The following TECR variants were observed in gnomAD, a reference collection of about 807,000 sequenced individuals.
The protein encoded by TECR is very-long-chain enoyl-CoA reductase.
A neutral mutation model predicts 50.6 loss-of-function variants in TECR; 19 were observed. The observed-to-expected ratio is 0.38, with a 90% CI of 0.26 to 0.55. TECR has a LOEUF of 0.55. TECR is among the 20% of genes least tolerant of loss of function. TECR has a pLI of 0.79. For synonymous variants in TECR, 168 were observed against 163.5 expected (o/e 1.03, Z -0.21); for missense variants, 313 against 408.3 (o/e 0.77, Z 2.01).
At chr19:14,538,857 A>G (rs2072997956) in intron 1 of TECR, among the ~76,000 whole-genome samples, 1 of 151,690 alleles carries the variant, frequency 6.6e-6, no homozygotes, top group Non-Finnish European at 1.5e-5. Context: ...CTTAATGAAG[A>G]AGGTCCACCA....
intron 1 of TECR, among the ~76,000 whole-genome samples, chr19:14,544,366 T>G (rs555911271): frequency 3.3e-4 from 50 of 152,112 alleles, no homozygotes; most frequent in African/African-American, 1.2e-3. Flanking sequence ...AGTATGTGTA[T>G]GTTTGATAGA....
intron 1 of TECR, among the ~76,000 whole-genome samples, chr19:14,546,985 G>A (rs2073330396): frequency 6.6e-6 from 1 of 152,144 alleles, no homozygotes; most frequent in Admixed American, 6.6e-5. Context: ...ATGAGCCACT[G>A]CACCCAGCCT....
chr19:14,561,581 G>C (rs2073904187), intron 1 of TECR, among the ~76,000 whole-genome samples: 1 of 152,170 alleles, frequency 6.6e-6, no homozygotes, highest in Non-Finnish European at 1.5e-5. Flanking sequence ...TCCTGGGTGA[G>C]GGTGCAGTGT....
intron 1 of TECR, among the ~76,000 whole-genome samples, chr19:14,545,355 C>T (rs902025096): frequency 6.6e-6 from 1 of 152,244 alleles, no homozygotes; most frequent in Non-Finnish European, 1.5e-5. Context: ...GCTGAAATCC[C>T]ATTTCCTCAG....
intron 1 of TECR, among the ~76,000 whole-genome samples, chr19:14,555,438 C>CTTTTTTTTTTTT (rs747503834): frequency 2.2e-5 from 2 of 92,882 alleles, no homozygotes; most frequent in African/African-American, 9.1e-5. Context: ...TTTATTTATT[C>CTTTTTTTTTTTT]TTTTTTTTTT....
In TECR at chr19:14,553,194, C is replaced by T. The variant is rs187860017; in HGVS notation, c.16-9331C>T. Among the ~76,000 whole-genome samples, 48 of 152,292 alleles carry T rather than the reference C, an allele frequency of 3.2e-4. 1 individual carries two copies. The highest frequency in any genetic ancestry group is 3.0e-3 in the Admixed American group (46 of 15,300). On this transcript the variant is annotated intron_variant, in intron 1 of 12. Transcript: ENST00000215567. ...AAGGCTGGATTGCTACCTGCTCGCT[C>T]GGGGCTCTGCTGGATGGGAACAGCA... is the stretch of plus-strand genomic sequence containing the variant.
chr19:14,565,509 A>G, intron 11 of TECR, 109 bp from the exon 12 acceptor site: 3 of 1,508,514 alleles, frequency 2.0e-6, no homozygotes, highest in East Asian at 4.9e-5. Context: ...TTGGGTTCCC[A>G]TCCCTGACTC....
intron 7 of TECR, chr19:14,564,585 C>G (rs1360016547): frequency 1.1e-5 from 7 of 612,606 alleles, no homozygotes; most frequent in Non-Finnish European, 2.0e-5. Context: ...AGTTTCACCC[C>G]TAGGCCCCTC....
intron 1 of TECR, among the ~76,000 whole-genome samples, chr19:14,543,401 ATATATATATATATATATATTTTTTTT>A (rs2073171076): frequency 1.3e-4 from 1 of 7,444 alleles, no homozygotes; most frequent in African/African-American, 4.5e-4. Context: ...ATATATATAT[ATATATATATATATATATATTTTTTTT>A]TTTTTTTTTT....
intron 6 of TECR, 39 bp downstream of exon 6, chr19:14,564,136 A>C: frequency 6.2e-7 from 1 of 1,606,586 alleles, no homozygotes; most frequent in Non-Finnish European, 8.5e-7. Flanking sequence ...GGGAAGGCAG[A>C]AGACCTGCCG....
chr19:14,543,726 C>G (rs994822179), intron 1 of TECR, among the ~76,000 whole-genome samples: 2 of 148,122 alleles, frequency 1.4e-5, no homozygotes, highest in African/African-American at 2.5e-5. Context: ...GCGTGAGCCA[C>G]CGCGCCCGGC....
At chr19:14,560,850 C>T (rs1334757868) in intron 1 of TECR, among the ~76,000 whole-genome samples, 2 of 152,178 alleles carry the variant, frequency 1.3e-5, no homozygotes, top group Non-Finnish European at 2.9e-5. Context: ...AACCCACGGG[C>T]AACAATGCCT....
chr19:14,559,746 T>C (rs1355298674), intron 1 of TECR, among the ~76,000 whole-genome samples: 3 of 151,064 alleles, frequency 2.0e-5, no homozygotes, highest in African/African-American at 7.3e-5. Context: ...AAGATCGCAC[T>C]GCTGCACTCC....
chr19:14,527,972 C>T (rs1259355275), upstream of TECR, among the ~76,000 whole-genome samples: 1 of 151,934 alleles, frequency 6.6e-6, no homozygotes, highest in African/African-American at 2.4e-5. Context: ...CTCACTGCAA[C>T]CTCCACCTCC....
chr19:14,553,828 G>T (rs1482696245), intron 1 of TECR, among the ~76,000 whole-genome samples: 1 of 152,152 alleles, frequency 6.6e-6, no homozygotes, highest in Non-Finnish European at 1.5e-5. Context: ...CAGCGCTTGT[G>T]CCCGGCGCGG....
intron 1 of TECR, among the ~76,000 whole-genome samples, chr19:14,559,340 C>T (rs371074379): frequency 6.6e-6 from 1 of 151,858 alleles, no homozygotes; most frequent in African/African-American, 2.4e-5. Flanking sequence ...ACTCCCCATT[C>T]CCCCCGCCCA....
intron 2 of TECR, among the ~76,000 whole-genome samples, chr19:14,562,777 C>T (rs577410840): frequency 6.6e-6 from 1 of 152,210 alleles, no homozygotes; most frequent in Admixed American, 6.5e-5. Flanking sequence ...TCAGTGGACC[C>T]TGCGGGGATT....
chr19:14,563,619 G>A lies in TECR; in HGVS notation c.119-39G>A. On this transcript the variant is annotated intron_variant, in intron 3 of 12. Transcript: ENST00000215567. This position sits in a 1 kb window ranked among gnomAD's most constrained non-coding sequence, Gnocchi z 5.3. ...CTGGGCAGCGGACCGGCTGAGCCCTGCCAGGCTGTGGGCTGTAACTGCCCT... is the reference window on the plus strand; with the variant it reads ...CTGGGCAGCGGACCGGCTGAGCCCTACCAGGCTGTGGGCTGTAACTGCCCT... 1.9e-6 allele frequency: 3 copies of A among 1,610,072 alleles called. No individual in the cohort carries two copies. The highest frequency in any genetic ancestry group is 2.5e-6 in the Non-Finnish European group (3 of 1,179,688).
chr19:14,553,633 A>G (rs1313715088), intron 1 of TECR, among the ~76,000 whole-genome samples: 1 of 152,078 alleles, frequency 6.6e-6, no homozygotes, highest in Non-Finnish European at 1.5e-5. Flanking sequence ...GTGGGAAGGA[A>G]AGGGAGCCGA....
Sources: gnomAD v4.1 joint callset for allele counts (sites outside exome capture counted in the v4.1 genomes callset) on GRCh38, gnomAD v4.1.1 for gene constraint, Gnocchi (gnomAD v3.1) non-coding constraint, MANE v1.5 for transcripts, NCBI Gene and HGNC (gene_info 2026-07-23, HGNC 2026-07-21) for gene names.